TLN2: variants seen among roughly 807,000 people sequenced by gnomAD.
The protein encoded by TLN2 is talin 2.
A neutral mutation model predicts 294.7 loss-of-function variants in TLN2; 118 were observed. The ratio of observed to expected loss-of-function variants is 0.40; its 90% CI spans 0.34 to 0.47. The LOEUF is 0.47. Among genes scored for constraint, TLN2 ranks in the 20% least tolerant of loss-of-function variants. TLN2 has a pLI of 0.84. For missense variants in TLN2, 3,083 were observed against 3,282.2 expected, an observed-to-expected ratio of 0.94 and a Z score of 1.48; for synonymous variants, 1,431 against 1,304.5, an observed-to-expected ratio of 1.10 and a Z score of -2.09.
intron 28 of TLN2, among the ~76,000 whole-genome samples, chr15:62,735,489 A>G (rs2060963019): frequency 6.6e-6 from 1 of 152,254 alleles, no homozygotes; most frequent in African/African-American, 2.4e-5. Flanking sequence ...AAGATGCTCA[A>G]CATCATTACC....
At chr15:62,396,292 G>T (rs1343782064) in intron 1 of TLN2, among the ~76,000 whole-genome samples, 1 of 152,158 alleles carries the variant, frequency 6.6e-6, no homozygotes, top group African/African-American at 2.4e-5. Flanking sequence ...GTTCAAACAC[G>T]CAGGCTTTTC....
intron 3 of TLN2, among the ~76,000 whole-genome samples, chr15:62,640,780 T>G (rs1037926364): frequency 2.1e-4 from 32 of 152,136 alleles, no homozygotes; most frequent in Admixed American, 6.5e-5. Context: ...ACACAGGAAC[T>G]ATGTTTATTT....
chr15:62,816,314 C>T (rs1351579698), intron 52 of TLN2, among the ~76,000 whole-genome samples: 2 of 152,206 alleles, frequency 1.3e-5, no homozygotes, highest in Non-Finnish European at 1.5e-5. Flanking sequence ...GACAAAAAGC[C>T]GCTACTTTGC....
In TLN2 at chr15:62,522,962, A is replaced by G. The variant is rs1259405950; in HGVS notation, c.-237-66725A>G. On this transcript the variant is annotated intron_variant, in intron 1 of 58. Coordinates refer to ENST00000636159, the MANE Select transcript of TLN2 (RefSeq NM_015059.3). Reference sequence around the variant, plus strand: ...GGCTTACACACACACACACACACACACACACACACACACACACTCTCTCAC... The same window carrying G: ...GGCTTACACACACACACACACACACGCACACACACACACACACTCTCTCAC... 2.1e-5 allele frequency among the ~76,000 whole-genome samples: 3 copies of G among 140,964 alleles called. No homozygotes were observed. The East Asian group carries it at 6.6e-4, about 31-fold the overall frequency. The allele number at this position is 140,964 out of a possible 152,430, so 92.5% of individuals were successfully genotyped here.
rs2070770349 is a variant in TLN2 at position 62,842,141 on chromosome 15, T to C, written c.*1531T>C. The stretch of plus-strand genomic sequence containing the variant: ...TCTAGCCCATGTCATGGTTTTAAAA[T>C]ACATAAACTTCTGACAGCTTCCCAT... On this transcript the variant is annotated 3_prime_UTR_variant, in exon 59 of 59. Coordinates refer to ENST00000636159, the MANE Select transcript of TLN2 (RefSeq NM_015059.3). The C allele has an allele frequency of 6.6e-6, 1 of 152,208 alleles. No individual in the cohort carries two copies. Among genetic ancestry groups the C allele is most frequent in the Non-Finnish European group, 1.5e-5 (1 of 68,048 alleles). 9.4% of individuals were successfully genotyped at this position (152,208 alleles called of 1,614,324 possible).
intron 3 of TLN2, among the ~76,000 whole-genome samples, chr15:62,624,115 T>C (rs2049062398): frequency 6.6e-6 from 1 of 152,186 alleles, no homozygotes; most frequent in Non-Finnish European, 1.5e-5. Context: ...AGTTTTGTAT[T>C]CCACTCAGAA....
chr15:62,459,465 T>G (rs2036668224), intron 1 of TLN2, among the ~76,000 whole-genome samples: 1 of 152,174 alleles, frequency 6.6e-6, no homozygotes, highest in Admixed American at 6.5e-5. Flanking sequence ...CCTCAAGCCC[T>G]GAATGTCCTA....
At chr15:62,733,778 T>A (rs1203056928) in intron 28 of TLN2, 2 of 152,280 alleles carry the variant, frequency 1.3e-5, no homozygotes, top group African/African-American at 2.4e-5. Flanking sequence ...GAAAGTAATC[T>A]GTGTTTTCAA....
chr15:62,440,603 C>G (rs1055832603), intron 1 of TLN2, among the ~76,000 whole-genome samples: 3 of 152,186 alleles, frequency 2.0e-5, no homozygotes, highest in Non-Finnish European at 2.9e-5. Context: ...GTGAATGTTT[C>G]CATGGCAACC....
At chr15:62,433,863 C>T (rs1258304391) in intron 1 of TLN2, among the ~76,000 whole-genome samples, 1 of 152,024 alleles carries the variant, frequency 6.6e-6, no homozygotes, top group African/African-American at 2.4e-5. Context: ...ATGGCAGGTA[C>T]CTGTAATCCC....
Position 62,841,706 on chromosome 15 carries a change from A to G in TLN2, c.*1096A>G, listed in dbSNP as rs2070723427. The G allele has an allele frequency of 6.6e-6, 1 of 152,102 alleles. No homozygotes were observed. Among genetic ancestry groups the G allele is most frequent in the African/African-American group, 2.4e-5 (1 of 41,414 alleles). The allele number at this position is 152,102 out of a possible 1,614,324, so 9.4% of individuals were successfully genotyped here. On this transcript the variant is annotated 3_prime_UTR_variant, in exon 59 of 59. Coordinates refer to ENST00000636159, the MANE Select transcript of TLN2 (RefSeq NM_015059.3). ...GACATAAGATGTTTTCATTTTCTGG[A>G]TGTCACACTTCCAGAATTTCATATT...
chr15:62,417,454 C>T (rs1279772414), intron 1 of TLN2, among the ~76,000 whole-genome samples: 1 of 152,172 alleles, frequency 6.6e-6, no homozygotes, highest in African/African-American at 2.4e-5. Flanking sequence ...TTACTGTGTC[C>T]TCATTAAGGA....
At chr15:62,499,842 A>T (rs1299817123) in intron 1 of TLN2, among the ~76,000 whole-genome samples, 1 of 152,024 alleles carries the variant, frequency 6.6e-6, no homozygotes, top group African/African-American at 2.4e-5. Flanking sequence ...ACCTCAGGTG[A>T]TCTGCCCGCC....
intron 22 of TLN2, 131 bp downstream of exon 22, chr15:62,712,208 C>T (rs1440042741): frequency 1.3e-5 from 14 of 1,092,658 alleles, no homozygotes; most frequent in East Asian, 5.1e-5. Flanking sequence ...TGGCTTGTAA[C>T]ATCTAACCCT....
At chr15:62,809,850 CT>C (rs2066558401) in intron 51 of TLN2, 74 bp from the exon 52 acceptor site, 1 of 1,429,630 alleles carries the variant, frequency 7.0e-7, no homozygotes, top group Admixed American at 1.9e-5. Context: ...GTTAAGGTCT[CT>C]TGCCTCTGAG....
At chr15:62,458,542 T>C (rs1034121976) in intron 1 of TLN2, among the ~76,000 whole-genome samples, 3 of 148,378 alleles carry the variant, frequency 2.0e-5, no homozygotes, top group Admixed American at 1.4e-4. Flanking sequence ...TGAAGATACT[T>C]GATTAAGAAG....
At chr15:62,556,574 C>A (rs1456131945) in intron 1 of TLN2, among the ~76,000 whole-genome samples, 2 of 152,086 alleles carry the variant, frequency 1.3e-5, no homozygotes, top group Non-Finnish European at 2.9e-5. Flanking sequence ...GCTGGAATTA[C>A]AGGTGTGAGC....
At chr15:62,768,045 G>T (rs182013233) in intron 41 of TLN2, among the ~76,000 whole-genome samples, 2 of 152,072 alleles carry the variant, frequency 1.3e-5, no homozygotes, top group Non-Finnish European at 2.9e-5. Context: ...CAGTCGGTGC[G>T]CCCTCTATCC....
At chr15:62,696,350 T>C (rs939610277) in intron 14 of TLN2, among the ~76,000 whole-genome samples, 4 of 152,232 alleles carry the variant, frequency 2.6e-5, no homozygotes, top group African/African-American at 9.6e-5. Context: ...TCAGACTTTT[T>C]ACCTTCAGAT....
Sources: allele counts gnomAD v4.1 joint callset (sites outside exome capture counted in the v4.1 genomes callset), GRCh38; gene constraint gnomAD v4.1.1; transcripts MANE v1.5; gene names NCBI Gene and HGNC (gene_info 2026-07-23, HGNC 2026-07-21).